Variants in CCM2 observed in about 807,000 individuals in gnomAD.
CCM2 encodes the protein cerebral cavernous malformations 2 protein.
A neutral mutation model predicts 44.9 loss-of-function variants in CCM2; 25 were observed. The ratio of observed to expected loss-of-function variants is 0.56; its 90% CI spans 0.41 to 0.78. The LOEUF is 0.78. CCM2 is among the 30% of genes least tolerant of loss of function. The pLI, the probability that CCM2 is intolerant of heterozygous loss-of-function variation, is 0.00. For synonymous variants in CCM2, 219 were observed against 241.1 expected, an observed-to-expected ratio of 0.91 and a Z score of 0.85; for missense variants, 481 against 580.6, an observed-to-expected ratio of 0.83 and a Z score of 1.76.
At chr7:45,025,123 G>A (rs1796632180) in intron 1 of CCM2, among the ~76,000 whole-genome samples, 1 of 152,206 alleles carries the variant, frequency 6.6e-6, no homozygotes, top group Non-Finnish European at 1.5e-5. Flanking sequence ...TTCAGGCTGT[G>A]TGGGCCAGGG....
chr7:45,075,520 T>G (rs1430047573), intron 9 of CCM2, among the ~76,000 whole-genome samples: 1 of 151,896 alleles, frequency 6.6e-6, no homozygotes, highest in African/African-American at 2.4e-5. Context: ...GGCCAGGGAG[T>G]GTGCATGTGG....
chr7:45,047,187 G>A (rs1343926870), intron 2 of CCM2, among the ~76,000 whole-genome samples: 2 of 152,138 alleles, frequency 1.3e-5, no homozygotes, highest in Non-Finnish European at 2.9e-5. Flanking sequence ...GTGCAACTAC[G>A]AACAACTTGG....
chr7:45,041,905 A>C (rs1797521202), intron 2 of CCM2, among the ~76,000 whole-genome samples: 1 of 152,142 alleles, frequency 6.6e-6, no homozygotes. Flanking sequence ...CTCTTATCAT[A>C]CCCAGCAGTA....
chr7:45,060,235 C>T (rs1021387694), intron 2 of CCM2, among the ~76,000 whole-genome samples: 2 of 152,148 alleles, frequency 1.3e-5, no homozygotes, highest in East Asian at 3.8e-4. Context: ...TCAAATAGTT[C>T]CCTCCTCTCT....
chr7:45,055,704 GTC>G (rs1798225723), intron 2 of CCM2, among the ~76,000 whole-genome samples: 1 of 152,122 alleles, frequency 6.6e-6, no homozygotes, highest in Non-Finnish European at 1.5e-5. Context: ...AAGATTTACT[GTC>G]TTAATCATTT....
intron 7 of CCM2, 168 bp downstream of exon 7, chr7:45,072,951 CCT>C: frequency 1.4e-6 from 1 of 695,868 alleles, no homozygotes; most frequent in East Asian, 2.7e-5. Context: ...GGCTCGCCGC[CCT>C]CTCCTCGTAG....
At chr7:45,043,090 A>T (rs1388775953) in intron 2 of CCM2, among the ~76,000 whole-genome samples, 1 of 150,472 alleles carries the variant, frequency 6.6e-6, no homozygotes, top group Admixed American at 6.7e-5. Context: ...CTCCCACCTT[A>T]GCCTCCTGAG....
intron 6 of CCM2, chr7:45,070,538 T>C: frequency 2.3e-6 from 1 of 433,090 alleles, no homozygotes; most frequent in Non-Finnish European, 4.7e-6. Flanking sequence ...AGTCTGTTAG[T>C]CCATTGAAAA....
chr7:45,017,674 G>T (rs1432835349), intron 1 of CCM2, among the ~76,000 whole-genome samples: 3 of 152,028 alleles, frequency 2.0e-5, no homozygotes, highest in Non-Finnish European at 1.5e-5. Context: ...GTATTTTATT[G>T]CCACAGAGTC....
At chr7:45,001,437 ATGCGTGC>A (rs1795622640) in intron 1 of CCM2, among the ~76,000 whole-genome samples, 1 of 152,264 alleles carries the variant, frequency 6.6e-6, no homozygotes, top group East Asian at 1.9e-4. Context: ...TAGATTAGAG[ATGCGTGC>A]TGCGCACAGA....
At chr7:45,055,713 A>G (rs1237292620) in intron 2 of CCM2, among the ~76,000 whole-genome samples, 1 of 152,240 alleles carries the variant, frequency 6.6e-6, no homozygotes, top group Non-Finnish European at 1.5e-5. Flanking sequence ...TGTCTTAATC[A>G]TTTTGAAGTG....
chr7:45,013,157 G>A (rs564515877), intron 1 of CCM2, among the ~76,000 whole-genome samples: 2 of 151,712 alleles, frequency 1.3e-5, no homozygotes, highest in Non-Finnish European at 2.9e-5. Flanking sequence ...ATATATCCAT[G>A]TCTTGTCACA....
chr7:45,027,916 C>T, intron 1 of CCM2: 2 of 1,013,328 alleles, frequency 2.0e-6, no homozygotes. Flanking sequence ...GTAGCCCAGT[C>T]TCCATGACCC....
rs777945586 is a variant in CCM2 at position 45,072,764 on chromosome 7, G to A, written c.784G>A (p.Glu262Lys). 5 of 1,612,608 alleles carry A rather than the reference G, an allele frequency of 3.1e-6. No individual in the cohort carries two copies. Among genetic ancestry groups the A allele is most frequent in the East Asian group, 4.5e-5 (2 of 44,904 alleles). Residue 262 changes from glutamate to lysine, a missense_variant, in exon 7 of 10, where the codon GAG becomes AAG. Transcript: ENST00000258781. ...STKVDIKETY[E>K]VEASTFCFPE... ...AAAAGTGGACATTAAGGAGACCTAC[G>A]AGGTGGAAGCCAGCACTTTGTGAGT... is the stretch of plus-strand genomic sequence containing the variant.
At chr7:45,067,031 G>A (rs529596705) in intron 4 of CCM2, among the ~76,000 whole-genome samples, 2 of 151,952 alleles carry the variant, frequency 1.3e-5, no homozygotes, top group Non-Finnish European at 2.9e-5. Flanking sequence ...CTCCTGAGTA[G>A]CTGGGACTAC....
chr7:45,069,332 T>G (rs1286956652), intron 5 of CCM2, among the ~76,000 whole-genome samples: 1 of 152,218 alleles, frequency 6.6e-6, no homozygotes. Flanking sequence ...GCTGAAAATG[T>G]CTCCAGATAT....
chr7:45,025,974 C>T (rs890898962), intron 1 of CCM2, among the ~76,000 whole-genome samples: 3 of 152,148 alleles, frequency 2.0e-5, no homozygotes, highest in African/African-American at 7.2e-5. Flanking sequence ...TCATGCTGAC[C>T]GTGGGGATCA....
At chr7:45,010,492 T>C (rs1796023962) in intron 1 of CCM2, among the ~76,000 whole-genome samples, 2 of 152,278 alleles carry the variant, frequency 1.3e-5, no homozygotes, top group South Asian at 4.1e-4. Context: ...GATTTATCCA[T>C]ATATTGCTGC....
chr7:45,012,554 C>T (rs1386916431), intron 1 of CCM2, among the ~76,000 whole-genome samples: 1 of 151,814 alleles, frequency 6.6e-6, no homozygotes, highest in Non-Finnish European at 1.5e-5. Flanking sequence ...TCTTTTTTTG[C>T]CTTAGGGACT....
Sources: allele counts gnomAD v4.1 joint callset (sites outside exome capture counted in the v4.1 genomes callset), GRCh38; gene constraint gnomAD v4.1.1; transcripts MANE v1.5; gene names NCBI Gene and HGNC (gene_info 2026-07-23, HGNC 2026-07-21).